The following PARD3 variants were observed in gnomAD, a reference collection of about 807,000 sequenced individuals.
PARD3 encodes partitioning defective 3 homolog.
PARD3 carries 75 observed loss-of-function variants against 155.4 expected under a neutral mutation model. The observed-to-expected ratio is 0.48, with a 90% CI of 0.40 to 0.58. The LOEUF (loss-of-function observed/expected upper bound fraction) is 0.58, where lower values mean the gene tolerates loss of function less well. Among genes scored for constraint, PARD3 ranks in the 20% least tolerant of loss-of-function variants. The pLI, the probability that PARD3 is intolerant of heterozygous loss-of-function variation, is 0.00. For synonymous variants in PARD3, 576 were observed against 610.5 expected, an observed-to-expected ratio of 0.94 and a Z score of 0.83; for missense variants, 1,642 against 1,721.7, an observed-to-expected ratio of 0.95 and a Z score of 0.82.
At chr10:34,742,215 C>A (rs1379395500) in intron 1 of PARD3, among the ~76,000 whole-genome samples, 4 of 152,178 alleles carry the variant, frequency 2.6e-5, no homozygotes, top group African/African-American at 9.7e-5. Flanking sequence ...TGACAAACTA[C>A]AAACAATCAC....
At chr10:34,406,535 C>T (rs568229546) in intron 5 of PARD3, among the ~76,000 whole-genome samples, 3 of 152,252 alleles carry the variant, frequency 2.0e-5, no homozygotes, top group South Asian at 4.2e-4. Flanking sequence ...TGATATCGTT[C>T]TAAAAGTTCT....
At chr10:34,360,396 T>G (rs1839329531) in intron 12 of PARD3, 137 bp from the exon 13 acceptor site, 1 of 608,856 alleles carries the variant, frequency 1.6e-6, no homozygotes, top group Admixed American at 2.8e-5. Flanking sequence ...GCAAGATCCA[T>G]GAAAACACTA....
chr10:34,721,320 C>T (rs904493658), intron 1 of PARD3, among the ~76,000 whole-genome samples: 7 of 152,198 alleles, frequency 4.6e-5, no homozygotes, highest in Non-Finnish European at 1.5e-5. Flanking sequence ...GTACCTCCAT[C>T]CTGTCTTTGA....
At chr10:34,634,658 G>T (rs77554947) in intron 2 of PARD3, among the ~76,000 whole-genome samples, 1,934 of 152,106 alleles carry the variant, frequency 0.013, 54 homozygotes, top group African/African-American at 0.043. Flanking sequence ...CATGCACAAA[G>T]AAACAACTGA....
chr10:34,803,435 G>A (rs1369609460), intron 1 of PARD3, among the ~76,000 whole-genome samples: 1 of 152,086 alleles, frequency 6.6e-6, no homozygotes, highest in African/African-American at 2.4e-5. Context: ...AGCTAACGGT[G>A]TTTTTGCAAA....
chr10:34,798,491 G>A (rs1364512351), intron 1 of PARD3, among the ~76,000 whole-genome samples: 1 of 151,898 alleles, frequency 6.6e-6, no homozygotes, highest in Non-Finnish European at 1.5e-5. Context: ...GATCACCTGA[G>A]GTCAGGAGTT....
chr10:34,125,300 C>T lies in PARD3; in HGVS notation c.3541-5560G>A, dbSNP rs192275038. ...CAGGCTGGTCTTGAACTCCTGACCT[C>T]GGGATCCACCCACCTGGGCCTCCCA... On this transcript the variant is annotated intron_variant, in intron 23 of 24. Coordinates refer to ENST00000374788, the MANE Select transcript of PARD3 (RefSeq NM_001184785.2). 2.3e-4 allele frequency among the ~76,000 whole-genome samples: 35 copies of T among 152,156 alleles called. 1 individual carries two copies. In the East Asian group the frequency reaches 4.1e-3, roughly 18 times the overall value.
chr10:34,723,477 A>AT (rs1474393487), intron 1 of PARD3, among the ~76,000 whole-genome samples: 1 of 152,240 alleles, frequency 6.6e-6, no homozygotes, highest in African/African-American at 2.4e-5. Flanking sequence ...TTAAAGAAGC[A>AT]TAGTGCCTTT....
chr10:34,771,203 C>T (rs1838816075), intron 1 of PARD3, among the ~76,000 whole-genome samples: 2 of 152,192 alleles, frequency 1.3e-5, no homozygotes, highest in South Asian at 4.1e-4. Flanking sequence ...AATGTTCTGG[C>T]TTTTGAAAGC....
At chr10:34,298,766 T>C (rs1957026906) in intron 20 of PARD3, among the ~76,000 whole-genome samples, 1 of 152,222 alleles carries the variant, frequency 6.6e-6, no homozygotes, top group Non-Finnish European at 1.5e-5. Flanking sequence ...CACCACGATT[T>C]AAAATGATAA....
intron 1 of PARD3, among the ~76,000 whole-genome samples, chr10:34,770,664 G>A (rs1040223199): frequency 5.9e-5 from 9 of 152,302 alleles, no homozygotes; most frequent in African/African-American, 2.2e-4. Context: ...TGTGGCCTTG[G>A]ACAGATGACT....
chr10:34,338,907 A>G (rs1298959915), intron 16 of PARD3, among the ~76,000 whole-genome samples: 1 of 152,176 alleles, frequency 6.6e-6, no homozygotes, highest in African/African-American at 2.4e-5. Context: ...ACTACTAAAC[A>G]AGTCAGTCAT....
chr10:34,424,588 C>T (rs942303292), intron 5 of PARD3, among the ~76,000 whole-genome samples: 1 of 152,042 alleles, frequency 6.6e-6, no homozygotes, highest in Non-Finnish European at 1.5e-5. Context: ...GGTCTCAGCT[C>T]ACTGCAACCT....
chr10:34,567,652 G>T (rs2086065103), intron 2 of PARD3, among the ~76,000 whole-genome samples: 1 of 152,174 alleles, frequency 6.6e-6, no homozygotes, highest in African/African-American at 2.4e-5. Context: ...ACAAACATCA[G>T]TTATGCACTT....
At chr10:34,174,950 A>C (rs1184671731) in intron 22 of PARD3, among the ~76,000 whole-genome samples, 2 of 152,206 alleles carry the variant, frequency 1.3e-5, no homozygotes, top group Non-Finnish European at 2.9e-5. Context: ...AAATTAATTT[A>C]AGATTCATTG....
chr10:34,727,278 G>A (rs1441628499), intron 1 of PARD3, among the ~76,000 whole-genome samples: 1 of 152,200 alleles, frequency 6.6e-6, no homozygotes, highest in African/African-American at 2.4e-5. Flanking sequence ...GCCACTGGCG[G>A]CATACAAGCT....
intron 2 of PARD3, among the ~76,000 whole-genome samples, chr10:34,526,451 G>A (rs2082490489): frequency 6.6e-6 from 1 of 152,178 alleles, no homozygotes; most frequent in Non-Finnish European, 1.5e-5. Context: ...TCACGACCAG[G>A]CAGGAGCATG....
intron 1 of PARD3, among the ~76,000 whole-genome samples, chr10:34,805,640 G>T (rs1843287117): frequency 6.6e-6 from 1 of 151,248 alleles, no homozygotes; most frequent in South Asian, 2.1e-4. Context: ...TCACTTCTGA[G>T]CATGATGTGA....
intron 1 of PARD3, among the ~76,000 whole-genome samples, chr10:34,705,447 C>G (rs1460165596): frequency 6.6e-6 from 1 of 150,958 alleles, no homozygotes; most frequent in African/African-American, 2.4e-5. Flanking sequence ...GTGATCATAC[C>G]ACTGCACTCC....
Sources: allele counts gnomAD v4.1 joint callset (sites outside exome capture counted in the v4.1 genomes callset), GRCh38; gene constraint gnomAD v4.1.1; transcripts MANE v1.5; gene names NCBI Gene and HGNC (gene_info 2026-07-23, HGNC 2026-07-21).